The following HHAT variants were observed in gnomAD, a reference collection of about 807,000 sequenced individuals.
HHAT encodes the protein hedgehog acyltransferase, also known as protein-cysteine N-palmitoyltransferase HHAT.
Under a neutral mutation model 70.8 loss-of-function variants are expected in HHAT, and 47 were observed. The observed-to-expected ratio is 0.66, with a 90% CI of 0.53 to 0.85. The LOEUF is 0.85. Among genes scored for constraint, HHAT ranks in the 40% least tolerant of loss-of-function variants. HHAT has a pLI of 0.00. For synonymous variants in HHAT, 228 were observed against 247.6 expected (o/e 0.92, Z 0.74); for missense variants, 609 against 604.8 (o/e 1.01, Z -0.07).
chr1:210,498,197 A>G (rs2094687309), intron 8 of HHAT, among the ~76,000 whole-genome samples: 1 of 152,198 alleles, frequency 6.6e-6, no homozygotes, highest in Non-Finnish European at 1.5e-5. Context: ...ATTCTCTTGC[A>G]TGGATTTATG....
intron 10 of HHAT, among the ~76,000 whole-genome samples, chr1:210,609,301 T>A (rs1666129883): frequency 6.6e-6 from 1 of 152,130 alleles, no homozygotes; most frequent in Admixed American, 6.6e-5. Flanking sequence ...TTTCTATATA[T>A]CTTCTTATTT....
upstream of HHAT, among the ~76,000 whole-genome samples, chr1:210,327,598 C>G (rs954416068): frequency 6.6e-6 from 1 of 152,028 alleles, no homozygotes; most frequent in Non-Finnish European, 1.5e-5. Flanking sequence ...CTCTGCCGCC[C>G]GGGTTCAAGC....
intron 7 of HHAT, among the ~76,000 whole-genome samples, chr1:210,461,754 G>A (rs868647633): frequency 1.3e-5 from 2 of 152,136 alleles, no homozygotes; most frequent in Admixed American, 1.3e-4. Flanking sequence ...AAAATCTTGT[G>A]TCTTTTCTAT....
intron 9 of HHAT, among the ~76,000 whole-genome samples, chr1:210,586,435 A>C (rs1198222971): frequency 6.6e-6 from 1 of 152,142 alleles, no homozygotes; most frequent in Non-Finnish European, 1.5e-5. Context: ...TAGAGATGCT[A>C]TCTCTAAAAA....
At chr1:210,639,165 A>G (rs1043260944) in intron 11 of HHAT, among the ~76,000 whole-genome samples, 1 of 151,094 alleles carries the variant, frequency 6.6e-6, no homozygotes, top group African/African-American at 2.4e-5. Flanking sequence ...CAGCCTGTCC[A>G]CTCTTCCTTC....
intron 3 of HHAT, among the ~76,000 whole-genome samples, chr1:210,367,916 C>G (rs1558367473): frequency 7.6e-6 from 1 of 131,480 alleles, no homozygotes; most frequent in Non-Finnish European, 1.6e-5. Flanking sequence ...CTCCCCCACC[C>G]CCCACCCCCT....
upstream of HHAT, among the ~76,000 whole-genome samples, chr1:210,327,548 C>T (rs1453415943): frequency 1.3e-5 from 2 of 152,152 alleles, no homozygotes; most frequent in Non-Finnish European, 2.9e-5. Flanking sequence ...CTCAGTCACC[C>T]AGGTTGGAGT....
chr1:210,613,468 C>T (rs1276567529), intron 10 of HHAT, among the ~76,000 whole-genome samples: 1 of 152,072 alleles, frequency 6.6e-6, no homozygotes, highest in African/African-American at 2.4e-5. Flanking sequence ...CTATTCTATT[C>T]CATTGGTCTA....
Position 210,550,867 on chromosome 1 carries a change from C to G in HHAT, c.1044-37031C>G, listed in dbSNP as rs1363331748. On this transcript the variant is annotated intron_variant, in intron 9 of 11. Coordinates refer to ENST00000261458, the MANE Select transcript of HHAT (RefSeq NM_018194.6). ...ATTTTTAGTAGAGACAGGGTTTCAC[C>G]ATGTTGGCCAGGCTGGTCTTGAACT... 3.4e-5 allele frequency among the ~76,000 whole-genome samples: 5 copies of G among 147,884 alleles called. 1 individual carries two copies. In the East Asian group the frequency reaches 1.1e-3, roughly 34 times the overall value.
At chr1:210,657,125 C>T (rs757026447) in intron 11 of HHAT, among the ~76,000 whole-genome samples, 28 of 152,158 alleles carry the variant, frequency 1.8e-4, no homozygotes, top group Non-Finnish European at 3.2e-4. Flanking sequence ...TTAAAATGAG[C>T]ACTAGTGAGA....
intron 1 of HHAT, among the ~76,000 whole-genome samples, chr1:210,334,025 G>T (rs1165513650): frequency 6.6e-6 from 1 of 151,932 alleles, no homozygotes; most frequent in Non-Finnish European, 1.5e-5. Flanking sequence ...TTTTCAGCCA[G>T]AAATTCATGA....
chr1:210,650,558 A>G (rs1253840823), intron 11 of HHAT, among the ~76,000 whole-genome samples: 6 of 152,230 alleles, frequency 3.9e-5, no homozygotes, highest in Non-Finnish European at 8.8e-5. Flanking sequence ...TCATTAAAAG[A>G]GCAAACATAA....
intron 8 of HHAT, among the ~76,000 whole-genome samples, chr1:210,502,300 C>T (rs2094772237): frequency 6.9e-6 from 1 of 144,718 alleles, no homozygotes; most frequent in Non-Finnish European, 1.5e-5. Context: ...AGGAGAATGG[C>T]ATGAACCCGG....
At chr1:210,618,053 C>T (rs900212070) in intron 10 of HHAT, among the ~76,000 whole-genome samples, 1 of 152,110 alleles carries the variant, frequency 6.6e-6, no homozygotes, top group Non-Finnish European at 1.5e-5. Flanking sequence ...ACGGTCCTGC[C>T]CTATCCTTGA....
At chr1:210,656,435 CTTG>C (rs1259587573) in intron 11 of HHAT, among the ~76,000 whole-genome samples, 1 of 152,126 alleles carries the variant, frequency 6.6e-6, no homozygotes, top group African/African-American at 2.4e-5. Flanking sequence ...CTTTGAGCCT[CTTG>C]TTTCCCATGT....
intron 8 of HHAT, among the ~76,000 whole-genome samples, chr1:210,511,739 CTG>C (rs2148578819): frequency 6.8e-6 from 1 of 147,636 alleles, no homozygotes; most frequent in Non-Finnish European, 1.5e-5. Flanking sequence ...AGCAGTGATT[CTG>C]CCTGGGGGAC....
At chr1:210,415,063 C>T (rs919684764) in intron 6 of HHAT, among the ~76,000 whole-genome samples, 2 of 152,092 alleles carry the variant, frequency 1.3e-5, no homozygotes, top group Non-Finnish European at 2.9e-5. Flanking sequence ...AAACTCTCAC[C>T]ATCCAAAGAT....
chr1:210,609,026 A>C (rs555205864), intron 10 of HHAT, among the ~76,000 whole-genome samples: 50 of 152,242 alleles, frequency 3.3e-4, no homozygotes, highest in African/African-American at 1.1e-3. Flanking sequence ...ATCCACTATC[A>C]TGTGAGCAGC....
At chr1:210,333,660 ATTT>A (rs572247937) in intron 1 of HHAT, among the ~76,000 whole-genome samples, 4 of 145,320 alleles carry the variant, frequency 2.8e-5, no homozygotes. Context: ...TACTACTATG[ATTT>A]TTTTTTTTTT....
Sources: allele counts gnomAD v4.1 joint callset (sites outside exome capture counted in the v4.1 genomes callset), GRCh38; gene constraint gnomAD v4.1.1; transcripts MANE v1.5; gene names NCBI Gene and HGNC (gene_info 2026-07-23, HGNC 2026-07-21).